Variants in NLGN4X observed in about 807,000 individuals in gnomAD.
NLGN4X encodes the protein neuroligin-4, X-linked.
Under a neutral mutation model 40.3 loss-of-function variants are expected in NLGN4X, and 3 were observed. The observed-to-expected ratio is 0.07, with a 90% confidence interval of 0.03 to 0.19. The LOEUF is 0.19. Among genes scored for constraint, NLGN4X ranks in the 10% least tolerant of loss-of-function variants. The pLI is 1.00. For synonymous variants in NLGN4X, 270 were observed against 306.8 expected (o/e 0.88, Z 1.25); for missense variants, 382 against 708.3 (o/e 0.54, Z 5.23).
intron 3 of NLGN4X, among the ~76,000 whole-genome samples, chrX:6,004,759 C>T (rs189624381): frequency 1.7e-4 from 19 of 111,902 alleles, no homozygotes; most frequent in African/African-American, 4.9e-4. Context: ...AACCCTGTTT[C>T]CCCCATTCCC....
At chrX:6,157,501 T>C (rs942952068) in intron 1 of NLGN4X, among the ~76,000 whole-genome samples, 1 of 111,537 alleles carries the variant, frequency 9.0e-6, no homozygotes, top group African/African-American at 3.3e-5. Context: ...AACTTAGAAG[T>C]TGGCTTAGTC....
chrX:6,196,107 G>A (rs145709644), intron 1 of NLGN4X, among the ~76,000 whole-genome samples: 195 of 111,711 alleles, frequency 1.7e-3, no homozygotes, highest in African/African-American at 5.8e-3. Context: ...TATTATTACT[G>A]TATTAGGTTT....
intron 1 of NLGN4X, among the ~76,000 whole-genome samples, chrX:6,221,396 TATATA>T: frequency 3.8e-5 from 1 of 26,078 alleles, no homozygotes; most frequent in Non-Finnish European, 7.1e-5. Context: ...TTATATTATA[TATATA>T]TATATATATA....
intron 3 of NLGN4X, among the ~76,000 whole-genome samples, chrX:6,008,407 T>A (rs1203095689): frequency 8.9e-6 from 1 of 112,360 alleles, no homozygotes; most frequent in Non-Finnish European, 1.9e-5. Context: ...TACTGATTGA[T>A]ACATGCTACA....
At chrX:6,091,784 A>C (rs2038645548) in intron 2 of NLGN4X, among the ~76,000 whole-genome samples, 2 of 111,922 alleles carry the variant, frequency 1.8e-5, no homozygotes, top group African/African-American at 6.5e-5. Context: ...TAAGAAAAAC[A>C]AAAGAGAAAA....
intron 5 of NLGN4X, 65 bp downstream of exon 5, chrX:5,903,012 C>CA (rs2031964370): frequency 8.6e-7 from 1 of 1,169,473 alleles, no homozygotes; most frequent in African/African-American, 1.8e-5. Flanking sequence ...GTAGAAGCAA[C>CA]ACCTATATTG....
chrX:6,117,930 C>T (rs1412833592), intron 2 of NLGN4X, among the ~76,000 whole-genome samples: 1 of 109,604 alleles, frequency 9.1e-6, no homozygotes, highest in Non-Finnish European at 1.9e-5. Flanking sequence ...GATGATAGTC[C>T]ATCAGTGAGG....
At chrX:6,216,707 G>A (rs890913723) in intron 1 of NLGN4X, among the ~76,000 whole-genome samples, 1 of 112,537 alleles carries the variant, frequency 8.9e-6, no homozygotes, top group East Asian at 2.8e-4. Flanking sequence ...AAAGTCAATA[G>A]AGAAAAGGTA....
chrX:6,210,691 C>T (rs1028234446), intron 1 of NLGN4X, among the ~76,000 whole-genome samples: 1 of 111,971 alleles, frequency 8.9e-6, no homozygotes, highest in African/African-American at 3.2e-5. Flanking sequence ...TTTTCCAATT[C>T]TAAAACCCAC....
intron 3 of NLGN4X, among the ~76,000 whole-genome samples, chrX:5,933,208 TC>T (rs1341135998): frequency 8.9e-6 from 1 of 111,915 alleles, no homozygotes; most frequent in Non-Finnish European, 1.9e-5. Context: ...AAAATACTTA[TC>T]AAAGAATATA....
chrX:6,208,930 C>T (rs758258341), intron 1 of NLGN4X, among the ~76,000 whole-genome samples: 7 of 112,226 alleles, frequency 6.2e-5, no homozygotes, highest in African/African-American at 2.3e-4. Flanking sequence ...TACCTGCACG[C>T]ATACGTTTAA....
intron 2 of NLGN4X, among the ~76,000 whole-genome samples, chrX:6,140,457 G>GACACACAC (rs34281533): frequency 2.1e-4 from 20 of 96,032 alleles, no homozygotes; most frequent in African/African-American, 7.4e-4. Flanking sequence ...TTCACACACA[G>GACACACAC]ACACACACAC....
In NLGN4X at chrX:6,116,391, CTTTTTTTTTTTTTTTTTTTTTTTTTTTT is replaced by C. The variant is rs1157468420; in HGVS notation, c.472+34576_472+34603del. Among the ~76,000 whole-genome samples, 35 of 22,290 alleles carry C rather than the reference CTTTTTTTTTTTTTTTTTTTTTTTTTTTT, an allele frequency of 1.6e-3. 2 individuals carry two copies. Among genetic ancestry groups the C allele is most frequent in the African/African-American group, 5.8e-3 (31 of 5,355 alleles). 19.4% of individuals were successfully genotyped at this position (22,290 alleles called of 115,157 possible). A position where few individuals can be genotyped will look rare whatever the true frequency, so the allele number is the denominator to read the frequency against. On this transcript the variant is annotated intron_variant, in intron 2 of 5. Coordinates refer to ENST00000381095, the MANE Select transcript of NLGN4X (RefSeq NM_181332.3). ...ACAAGTAGGTATTGAACCTTTCTTT[CTTTTTTTTTTTTTTTTTTTTTTTTTTTT>C]TTTTTTTTTTTTTTGAGACAGCGTC... is the stretch of plus-strand genomic sequence containing the variant.
intron 1 of NLGN4X, among the ~76,000 whole-genome samples, chrX:6,173,601 A>G (rs1387504994): frequency 8.9e-6 from 1 of 112,629 alleles, no homozygotes; most frequent in Non-Finnish European, 1.9e-5. Flanking sequence ...AATGCTGCTC[A>G]GAGAGGCCAA....
intron 2 of NLGN4X, among the ~76,000 whole-genome samples, chrX:6,127,135 C>T (rs1284496997): frequency 9.0e-6 from 1 of 111,052 alleles, no homozygotes; most frequent in Non-Finnish European, 1.9e-5. Flanking sequence ...GGGCAGAAGG[C>T]GAGTAAGGCC....
At chrX:5,980,117 T>C (rs1405768314) in intron 3 of NLGN4X, among the ~76,000 whole-genome samples, 1 of 106,990 alleles carries the variant, frequency 9.3e-6, no homozygotes, top group East Asian at 2.9e-4. Flanking sequence ...TAGTATACAA[T>C]ACTGTATCAT....
At chrX:5,964,706 G>A (rs1197338224) in intron 3 of NLGN4X, among the ~76,000 whole-genome samples, 1 of 110,829 alleles carries the variant, frequency 9.0e-6, no homozygotes, top group Non-Finnish European at 1.9e-5. Flanking sequence ...AGGGTGGGGA[G>A]GGAGGGCTTG....
At chrX:6,049,229 G>GGGGAA (rs1429122569) in intron 2 of NLGN4X, among the ~76,000 whole-genome samples, 222 of 1,981 alleles carry the variant, frequency 0.11, 54 homozygotes, top group Non-Finnish European at 0.27. Flanking sequence ...GGCCAGGAAA[G>GGGGAA]GGGAGGGGAG....
At chrX:6,027,135 C>A (rs1417735182) in intron 3 of NLGN4X, among the ~76,000 whole-genome samples, 1 of 112,147 alleles carries the variant, frequency 8.9e-6, no homozygotes, top group Non-Finnish European at 1.9e-5. Flanking sequence ...GTGCTACAGG[C>A]AGTGCACACA....
Sources: allele counts gnomAD v4.1 joint callset (sites outside exome capture counted in the v4.1 genomes callset), GRCh38; gene constraint gnomAD v4.1.1; transcripts MANE v1.5; gene names NCBI Gene and HGNC (gene_info 2026-07-23, HGNC 2026-07-21).